ZBTB7A: variants seen among roughly 807,000 people sequenced by gnomAD.
ZBTB7A encodes zinc finger and BTB domain containing 7A.
A neutral mutation model predicts 26.7 loss-of-function variants in ZBTB7A; 7 were observed. The ratio of observed to expected loss-of-function variants is 0.26; its 90% CI spans 0.15 to 0.49. The LOEUF (loss-of-function observed/expected upper bound fraction) is 0.49, where lower values mean the gene tolerates loss of function less well. ZBTB7A is among the 20% of genes least tolerant of loss of function. The pLI is 0.98. For synonymous variants in ZBTB7A, 452 were observed against 441.0 expected, an observed-to-expected ratio of 1.02 and a Z score of -0.31; for missense variants, 617 against 919.5, an observed-to-expected ratio of 0.67 and a Z score of 4.25.
rs1181215162 is a variant in ZBTB7A at position 4,049,168 on chromosome 19, GTATA to G, written c.1263-928_1263-925del. 1.9e-3 allele frequency among the ~76,000 whole-genome samples: 29 copies of G among 14,952 alleles called. No homozygotes were observed. The East Asian group carries it at 0.043, about 22-fold the overall frequency. The allele number at this position is 14,952 out of a possible 152,430, so 9.8% of individuals were successfully genotyped here. On this transcript the variant is annotated intron_variant, in intron 2 of 2. Coordinates refer to ENST00000322357, the MANE Select transcript of ZBTB7A (RefSeq NM_015898.4). ...ACTATATGTGTGTGTGTGTGTGTGT[GTATA>G]TATATATATATATATATATATATAT...
At position 4,059,233 on chromosome 19, in the gene ZBTB7A, C is replaced by T. The variant is rs950008974; in HGVS notation, c.-15-3986G>A. Among the ~76,000 whole-genome samples the T allele has an allele frequency of 3.9e-5, 6 of 152,342 alleles. No individual in the cohort carries two copies. The East Asian group carries it at 9.7e-4, about 25-fold the overall frequency. On this transcript the variant is annotated intron_variant, in intron 1 of 2. Transcript: ENST00000322357. ...CTATCCCTGGCCTGCTGGGCCGTTC[C>T]TCCCCTCGGGTGACCAGGGTCCCCG...
At position 4,052,530 on chromosome 19, in the gene ZBTB7A, A is replaced by C. The variant is rs1033694720; in HGVS notation, c.1262+1441T>G. Among the ~76,000 whole-genome samples the C allele has an allele frequency of 6.6e-6, 1 of 150,984 alleles. No individual in the cohort carries two copies. Among genetic ancestry groups the C allele is most frequent in the Admixed American group, 6.6e-5 (1 of 15,218 alleles). On this transcript the variant is annotated intron_variant, in intron 2 of 2. Coordinates refer to ENST00000322357, the MANE Select transcript of ZBTB7A (RefSeq NM_015898.4). The surrounding 1 kb of genome is among the most constrained non-coding windows in gnomAD (Gnocchi z 4.9). Reference sequence around the variant, plus strand: ...GGGGTGCTGGGGAGGGGTCAGTCCCAGTTCCTGTCCCCACGGGGTGGGGTT... The same window carrying C: ...GGGGTGCTGGGGAGGGGTCAGTCCCCGTTCCTGTCCCCACGGGGTGGGGTT...
intron 1 of ZBTB7A, among the ~76,000 whole-genome samples, chr19:4,061,349 C>G (rs1341561033): frequency 6.7e-6 from 1 of 148,868 alleles, no homozygotes; most frequent in African/African-American, 2.4e-5. Context: ...GTGCGGCTGC[C>G]AGGCCCGCAC....
rs190883136 is a variant in ZBTB7A, at chr19:4,051,004, A to C, written c.1263-2760T>G. Among the ~76,000 whole-genome samples, 1,199 of 146,636 alleles carry C rather than the reference A, an allele frequency of 8.2e-3. 19 individuals carry two copies. The highest frequency in any genetic ancestry group is 0.03 in the African/African-American group (1,168 of 39,534). ...TCCCAGCTACTTGGGAAGCTGAGGC[A>C]GGAGAATCGCTTGAACCTGGGAGGT... On this transcript the variant is annotated intron_variant, in intron 2 of 2. Coordinates refer to ENST00000322357, the MANE Select transcript of ZBTB7A (RefSeq NM_015898.4).
intron 1 of ZBTB7A, among the ~76,000 whole-genome samples, chr19:4,057,088 T>C (rs1157597875): frequency 7.1e-6 from 1 of 140,220 alleles, no homozygotes; most frequent in East Asian, 2.2e-4. Flanking sequence ...GTGGCTCACA[T>C]CTATAATCCC....
chr19:4,058,055 G>A (rs925343591), intron 1 of ZBTB7A, among the ~76,000 whole-genome samples: 5 of 152,164 alleles, frequency 3.3e-5, no homozygotes, highest in East Asian at 1.9e-4. Flanking sequence ...GCCCAGGCAC[G>A]GGGACCCAGT....
chr19:4,063,383 C>T (rs995084057), intron 1 of ZBTB7A, among the ~76,000 whole-genome samples: 2 of 152,170 alleles, frequency 1.3e-5, no homozygotes, highest in South Asian at 2.1e-4. Flanking sequence ...GAGGTGACCT[C>T]GGTCTCCTCT....
chr19:4,045,350 A>G lies in ZBTB7A; in HGVS notation c.*2402T>C, dbSNP rs2144963270. 1 of 152,292 alleles carries G rather than the reference A, an allele frequency of 6.6e-6. No individual in the cohort carries two copies. Among genetic ancestry groups the G allele is most frequent in the Admixed American group, 6.5e-5 (1 of 15,304 alleles). The allele number at this position is 152,292 out of a possible 1,614,324, so 9.4% of individuals were successfully genotyped here. On this transcript the variant is annotated 3_prime_UTR_variant, in exon 3 of 3. Coordinates refer to ENST00000322357, the MANE Select transcript of ZBTB7A (RefSeq NM_015898.4). This position sits in a 1 kb window ranked among gnomAD's most constrained non-coding sequence, Gnocchi z 4.1. ...GCCTGGGTGTTCAAGCTCCCCGCTC[A>G]GCCACGACAGATGGTTTTCTCTCCA...
chr19:4,048,838 G>A lies in ZBTB7A; in HGVS notation c.1263-594C>T, dbSNP rs538857016. On this transcript the variant is annotated intron_variant, in intron 2 of 2. Coordinates refer to ENST00000322357, the MANE Select transcript of ZBTB7A (RefSeq NM_015898.4). The surrounding 1 kb of genome is among the most constrained non-coding windows in gnomAD (Gnocchi z 6.7). ...AAAAAAAATTTCACTTTTTAAGAGCGAAACTCCGTCTCAAAAAACAAATCT... is the reference window on the plus strand; with the variant it reads ...AAAAAAAATTTCACTTTTTAAGAGCAAAACTCCGTCTCAAAAAACAAATCT... Among the ~76,000 whole-genome samples the A allele has an allele frequency of 2.0e-5, 3 of 151,418 alleles. No homozygotes were observed. The East Asian group carries it at 5.9e-4, about 30-fold the overall frequency.
intron 1 of ZBTB7A, 100 bp from the exon 2 acceptor site, chr19:4,055,347 C>T: frequency 4.3e-6 from 6 of 1,408,886 alleles, no homozygotes; most frequent in African/African-American, 1.5e-5. Flanking sequence ...AGCGTTCCAC[C>T]CTGCTCCCCC....
rs2040394082 is a variant in ZBTB7A, at chr19:4,044,790, A to G, written c.*2962T>C. The G allele has an allele frequency of 6.7e-6, 1 of 150,254 alleles. No individual in the cohort carries two copies. 9.3% of individuals were successfully genotyped at this position (150,254 alleles called of 1,614,324 possible). Reference sequence around the variant, plus strand: ...AAAAAGCTTTGAGCTGTGTCCTTTCATATGGAGTCAACACGACCCTCCTCA... The same window carrying G: ...AAAAAGCTTTGAGCTGTGTCCTTTCGTATGGAGTCAACACGACCCTCCTCA... On this transcript the variant is annotated 3_prime_UTR_variant, in exon 3 of 3. Coordinates refer to ENST00000322357, the MANE Select transcript of ZBTB7A (RefSeq NM_015898.4).
At chr19:4,055,348 C>A in intron 1 of ZBTB7A, 101 bp from the exon 2 acceptor site, 1 of 1,409,036 alleles carries the variant, frequency 7.1e-7, no homozygotes, top group South Asian at 1.6e-5. Context: ...GCGTTCCACC[C>A]TGCTCCCCCA....
In ZBTB7A at chr19:4,066,751, C is replaced by T. The variant is rs2145015498; in HGVS notation, c.-85G>A. The T allele has an allele frequency of 6.6e-6, 1 of 151,730 alleles. No individual in the cohort carries two copies. Among genetic ancestry groups the T allele is most frequent in the East Asian group, 2.0e-4 (1 of 5,100 alleles). The allele number at this position is 151,730 out of a possible 1,614,324, so 9.4% of individuals were successfully genotyped here. A position where few individuals can be genotyped will look rare whatever the true frequency, so the allele number is the denominator to read the frequency against. On this transcript the variant is annotated 5_prime_UTR_variant, in exon 1 of 3. Coordinates refer to ENST00000322357, the MANE Select transcript of ZBTB7A (RefSeq NM_015898.4). ...GGGACTGGGCTCCCTCGGCCGCTCG[C>T]CTCCGGGGTCCGCGGCGCTCGCTCT...
intron 2 of ZBTB7A, among the ~76,000 whole-genome samples, chr19:4,053,421 GTA>G (rs559742567): frequency 6.0e-4 from 91 of 152,308 alleles, no homozygotes; most frequent in African/African-American, 2.0e-3. Flanking sequence ...GCATGTGCAT[GTA>G]TGTGTGCGCA....
chr19:4,062,848 A>G (rs1469164798), intron 1 of ZBTB7A: 2 of 152,284 alleles, frequency 1.3e-5, no homozygotes, highest in African/African-American at 4.8e-5. Context: ...CTCAACAAGC[A>G]TTCCCAATGA....
At chr19:4,049,605 A>C (rs1229791048) in intron 2 of ZBTB7A, among the ~76,000 whole-genome samples, 1 of 152,006 alleles carries the variant, frequency 6.6e-6, no homozygotes, top group African/African-American at 2.4e-5. Context: ...TGGTTTTAGC[A>C]CTGAAAGTCC....
intron 1 of ZBTB7A, among the ~76,000 whole-genome samples, chr19:4,057,618 T>C (rs893041359): frequency 2.0e-5 from 3 of 150,096 alleles, no homozygotes; most frequent in African/African-American, 4.9e-5. Context: ...TGAAACCCCA[T>C]TTCTAACAAA....
rs2144967908 is a variant in ZBTB7A at position 4,046,664 on chromosome 19, T to C, written c.*1088A>G. 6.7e-6 allele frequency: 1 copy of C among 150,312 alleles called. No homozygotes were observed. The highest frequency in any genetic ancestry group is 1.5e-5 in the Non-Finnish European group (1 of 67,510). 9.3% of individuals were successfully genotyped at this position (150,312 alleles called of 1,614,324 possible). A position where few individuals can be genotyped will look rare whatever the true frequency, so the allele number is the denominator to read the frequency against. On this transcript the variant is annotated 3_prime_UTR_variant, in exon 3 of 3. Coordinates refer to ENST00000322357, the MANE Select transcript of ZBTB7A (RefSeq NM_015898.4). ...GTGACATTGGAATTTGTGGATTTTC[T>C]CTCTCTCCCCCCATCCCTGCCATCA...
At position 4,054,750 on chromosome 19, in the gene ZBTB7A, G is replaced by A. The variant is rs202187850; in HGVS notation, c.483C>T (p.Leu161=). 4.5e-5 allele frequency: 70 copies of A among 1,570,250 alleles called. No homozygotes were observed. The East Asian group carries it at 1.5e-3, about 33-fold the overall frequency. Residue 161 remains leucine, a synonymous_variant, in exon 2 of 3, where the codon CTC becomes CTT. Transcript: ENST00000322357. ...TCATGGGGTTGCTCTGGAAGAACTCGAGGTACTCCTTGGCGCGGAGGAGGT... is the reference window on the plus strand; with the variant it reads ...TCATGGGGTTGCTCTGGAAGAACTCAAGGTACTCCTTGGCGCGGAGGAGGT... ...QRNLLRAKEY[L]EFFQSNPMNS...
Sources: gnomAD v4.1 joint callset for allele counts (sites outside exome capture counted in the v4.1 genomes callset) on GRCh38, gnomAD v4.1.1 for gene constraint, Gnocchi (gnomAD v3.1) non-coding constraint, MANE v1.5 for transcripts, NCBI Gene and HGNC (gene_info 2026-07-23, HGNC 2026-07-21) for gene names.